The following TSPAN16 variants were observed in gnomAD, a reference collection of about 807,000 sequenced individuals.
The protein encoded by TSPAN16 is tetraspanin-16.
A neutral mutation model predicts 25.2 loss-of-function variants in TSPAN16; 23 were observed. The ratio of observed to expected loss-of-function variants is 0.91; its 90% CI spans 0.66 to 1.29. The LOEUF is 1.29. Ranked by LOEUF, TSPAN16 falls within the 50% of genes most tolerant of loss-of-function variation. The pLI, the probability that TSPAN16 is intolerant of heterozygous loss-of-function variation, is 0.00. For missense variants in TSPAN16, 272 were observed against 299.9 expected (o/e 0.91, Z 0.69); for synonymous variants, 123 against 124.4 (o/e 0.99, Z 0.08).
downstream of TSPAN16, among the ~76,000 whole-genome samples, chr19:11,316,808 C>G (rs940463103): frequency 2.2e-5 from 3 of 135,848 alleles, no homozygotes; most frequent in African/African-American, 3.1e-5. Context: ...AGACCCCCCC[C>G]GCCTTTTTTT....
At chr19:11,316,706 G>A (rs975401470), downstream of TSPAN16, among the ~76,000 whole-genome samples, 2 of 151,610 alleles carry the variant, frequency 1.3e-5, no homozygotes, top group African/African-American at 4.8e-5. Context: ...ATTTTTTTGT[G>A]GTGATACATC....
At position 11,301,242 on chromosome 19, in the gene TSPAN16, G is replaced by A. The variant is rs149920922; in HGVS notation, c.384G>A (p.Arg128=). Residue 128 remains arginine (R), a synonymous_variant, in exon 4 of 7, where the codon AGG becomes AGA. Coordinates refer to ENST00000590327, the MANE Select transcript of TSPAN16 (RefSeq NM_001282509.2). The stretch of plus-strand genomic sequence containing the variant: ...TGGAACACACCTTCGTGACCCTGAG[G>A]AAGAATTACAGAGGTTACAACGAGC... ...VALEHTFVTL[R]KNYRGYNEPD... The A allele has an allele frequency of 6.2e-7, 1 of 1,614,018 alleles. No homozygotes were observed. The highest frequency in any genetic ancestry group is 8.5e-7 in the Non-Finnish European group (1 of 1,179,992).
downstream of TSPAN16, among the ~76,000 whole-genome samples, chr19:11,318,670 ACAGTCTTGCT>A (rs2147960307): frequency 6.6e-6 from 1 of 150,820 alleles, no homozygotes; most frequent in East Asian, 2.0e-4. Context: ...TTTTTTTGAG[ACAGTCTTGCT>A]CTGTCGCCCA....
chr19:11,317,000 T>TG (rs2080752961), downstream of TSPAN16, among the ~76,000 whole-genome samples: 2 of 151,454 alleles, frequency 1.3e-5, no homozygotes, highest in African/African-American at 4.9e-5. Context: ...TTAGTAGACA[T>TG]GGAGTTTCAC....
chr19:11,312,592 T>G (rs779031241), intron 6 of TSPAN16, among the ~76,000 whole-genome samples: 16 of 151,732 alleles, frequency 1.1e-4, no homozygotes, highest in Non-Finnish European at 2.2e-4. Flanking sequence ...ACTCCCCATC[T>G]CTACAAAAAC....
In TSPAN16 at chr19:11,309,371, G is replaced by A. The variant is rs543606662; in HGVS notation, c.603+2615G>A. Among the ~76,000 whole-genome samples the A allele has an allele frequency of 2.0e-3, 304 of 152,178 alleles. 2 individuals are homozygous for A. The highest frequency in any genetic ancestry group is 6.8e-3 in the African/African-American group (283 of 41,518). On this transcript the variant is annotated intron_variant, in intron 5 of 6. Transcript: ENST00000590327. ...ACACGGGCCAGACACTGGCCCACTG[G>A]GCCCTACACAACCTACCTGTCACCT... is the stretch of plus-strand genomic sequence containing the variant.
intron 5 of TSPAN16, chr19:11,308,189 C>T (rs1381653481): frequency 6.6e-6 from 1 of 152,242 alleles, no homozygotes; most frequent in Non-Finnish European, 1.5e-5. Flanking sequence ...AAGCCACACC[C>T]CAGTTCCCCC....
chr19:11,325,210 A>C (rs1599355108), intron 6 of TSPAN16: 2 of 553,164 alleles, frequency 3.6e-6, no homozygotes, highest in Admixed American at 3.1e-5. Context: ...GCAGCCTCCC[A>C]CCGGGGCTGC....
chr19:11,316,062 T>A, downstream of TSPAN16: 1 of 726,712 alleles, frequency 1.4e-6, no homozygotes, highest in Non-Finnish European at 1.9e-6. Flanking sequence ...CTCATACAAC[T>A]TTCCTGTTTT....
intron 6 of TSPAN16, chr19:11,322,489 A>G (rs1973300496): frequency 6.6e-6 from 1 of 152,154 alleles, no homozygotes; most frequent in African/African-American, 2.4e-5. Flanking sequence ...GTCCTGACCA[A>G]TCCCCTGGAG....
chr19:11,299,741 G>A (rs1280335931), intron 3 of TSPAN16, among the ~76,000 whole-genome samples: 2 of 152,230 alleles, frequency 1.3e-5, no homozygotes, highest in East Asian at 3.9e-4. Flanking sequence ...TTGGGAGGCC[G>A]AGGCAGGTGG....
intron 6 of TSPAN16, among the ~76,000 whole-genome samples, chr19:11,315,519 G>A (rs1317803638): frequency 2.0e-5 from 3 of 151,082 alleles, no homozygotes; most frequent in Non-Finnish European, 4.4e-5. Context: ...ATCCGCCACT[G>A]CACTCCAGCC....
downstream of TSPAN16, among the ~76,000 whole-genome samples, chr19:11,318,914 T>C (rs1183191045): frequency 6.6e-6 from 1 of 152,224 alleles, no homozygotes; most frequent in African/African-American, 2.4e-5. Context: ...CCCAAAGTGC[T>C]GGGATTACAG....
At chr19:11,316,415 C>T (rs1455750087), downstream of TSPAN16, among the ~76,000 whole-genome samples, 2 of 151,968 alleles carry the variant, frequency 1.3e-5, no homozygotes, top group African/African-American at 4.8e-5. Flanking sequence ...CCACTGCACC[C>T]AGCCAGTTTT....
intron 6 of TSPAN16, chr19:11,325,187 G>A: frequency 1.9e-6 from 1 of 529,196 alleles, no homozygotes; most frequent in Non-Finnish European, 3.4e-6. Context: ...GCAGAGCTGA[G>A]TCCCCATGGT....
exon 7 of TSPAN16, chr19:11,326,816 C>T (rs747040194): frequency 1.7e-5 from 12 of 686,454 alleles, no homozygotes; most frequent in South Asian, 4.6e-5. Context: ...CGCTATGTTG[C>T]GCAGGCTGGT....
intron 3 of TSPAN16, among the ~76,000 whole-genome samples, chr19:11,300,064 G>A (rs2080527397): frequency 1.3e-5 from 2 of 152,104 alleles, no homozygotes; most frequent in South Asian, 4.1e-4. Context: ...GTTTAGGCAA[G>A]TTAAAATACA....
intron 4 of TSPAN16, among the ~76,000 whole-genome samples, chr19:11,303,577 T>TAAAAAAAAAAAA (rs1322861353): frequency 1.0e-4 from 8 of 78,292 alleles, no homozygotes; most frequent in East Asian, 3.3e-4. Flanking sequence ...ATAAATAAAT[T>TAAAAAAAAAAAA]AAAAAAAAAA....
At chr19:11,323,969 C>T (rs2080796229) in intron 6 of TSPAN16, 1 of 152,120 alleles carries the variant, frequency 6.6e-6, no homozygotes, top group Admixed American at 6.6e-5. Flanking sequence ...TGTACATCTT[C>T]AAACTGCACA....
Sources: gnomAD v4.1 joint callset for allele counts (sites outside exome capture counted in the v4.1 genomes callset) on GRCh38, gnomAD v4.1.1 for gene constraint, MANE v1.5 for transcripts, NCBI Gene and HGNC (gene_info 2026-07-23, HGNC 2026-07-21) for gene names.